The following SAV1 variants were observed in gnomAD, a reference collection of about 807,000 sequenced individuals.
SAV1 encodes protein salvador homolog 1.
SAV1 carries 23 observed loss-of-function variants against 47.3 expected under a neutral mutation model. That is an observed-to-expected ratio of 0.49 (90% CI 0.35 to 0.69). SAV1 has a LOEUF of 0.69. Among genes scored for constraint, SAV1 ranks in the 30% least tolerant of loss-of-function variants. SAV1 has a pLI of 0.01. For synonymous variants in SAV1, 155 were observed against 159.2 expected (o/e 0.97, Z 0.20); for missense variants, 448 against 457.4 (o/e 0.98, Z 0.19).
At chr14:50,658,420 G>A (rs372722819) in intron 2 of SAV1, among the ~76,000 whole-genome samples, 19 of 152,270 alleles carry the variant, frequency 1.2e-4, no homozygotes, top group Admixed American at 9.8e-4. Context: ...CAGTAAGTGC[G>A]TGACTGGTAT....
intron 2 of SAV1, among the ~76,000 whole-genome samples, chr14:50,658,960 GTAC>G (rs2039835619): frequency 6.6e-6 from 1 of 151,896 alleles, no homozygotes; most frequent in Non-Finnish European, 1.5e-5. Context: ...TTCAAAAAAA[GTAC>G]TACTTTTTTC....
chr14:50,653,556 T>G (rs1046365051), intron 2 of SAV1, among the ~76,000 whole-genome samples: 3 of 152,162 alleles, frequency 2.0e-5, no homozygotes, highest in Admixed American at 6.6e-5. Flanking sequence ...GTGAATTTGT[T>G]TGTTTCCCAG....
At chr14:50,640,581 ATT>A in intron 4 of SAV1, among the ~76,000 whole-genome samples, 167 bp downstream of exon 4, 1 of 152,198 alleles carries the variant, frequency 6.6e-6, no homozygotes. Context: ...CTAATTAATG[ATT>A]TTCACACATT....
intron 2 of SAV1, chr14:50,664,260 T>C (rs1309122361): frequency 6.6e-6 from 1 of 152,048 alleles, no homozygotes. Flanking sequence ...AAACAGTTAA[T>C]ATTAAATGAA....
At chr14:50,650,748 G>A (rs1363047207) in intron 2 of SAV1, among the ~76,000 whole-genome samples, 3 of 152,184 alleles carry the variant, frequency 2.0e-5, no homozygotes, top group African/African-American at 7.2e-5. Flanking sequence ...TTGGCCGGGC[G>A]CAGTGGCTCA....
At chr14:50,638,274 A>G (rs2039652834) in intron 4 of SAV1, among the ~76,000 whole-genome samples, 1 of 152,180 alleles carries the variant, frequency 6.6e-6, no homozygotes, top group African/African-American at 2.4e-5. Context: ...TTGCTTCCAC[A>G]AGTTTAACTT....
At chr14:50,652,395 G>A (rs559487621) in intron 2 of SAV1, among the ~76,000 whole-genome samples, 1 of 152,274 alleles carries the variant, frequency 6.6e-6, no homozygotes, top group South Asian at 2.1e-4. Context: ...CCACCAAATA[G>A]CAATGAGTAC....
Position 50,635,381 on chromosome 14 carries a change from A to AT in SAV1, c.953dup (p.Tyr318Ter). 6.2e-7 allele frequency: 1 copy of AT among 1,613,492 alleles called. No homozygotes were observed. The highest frequency in any genetic ancestry group is 1.1e-5 in the South Asian group (1 of 91,068). The change falls in exon 5 of 5, where the codon TAT (tyrosine) becomes TAAT (stop). Residue 318 changes from tyrosine to a stop codon, truncating the protein, a stop_gained and frameshift_variant. Coordinates refer to ENST00000324679, the MANE Select transcript of SAV1 (RefSeq NM_021818.4). LOFTEE classifies it high-confidence loss of function. ...AGAGTTCCCACTTCAGAATGTGGTC[A>AT]TATCTGTTTTAAAACACAATCATAT... ...LQVYARAPVK[Y>*]DHILKWELFQ... is the part of the protein sequence containing the mutation.
At chr14:50,648,532 C>A (rs2039740993) in intron 2 of SAV1, among the ~76,000 whole-genome samples, 1 of 152,158 alleles carries the variant, frequency 6.6e-6, no homozygotes, top group Non-Finnish European at 1.5e-5. Context: ...GTAATCCCAG[C>A]ACTTTGGGAG....
At chr14:50,665,665 C>T in intron 1 of SAV1, 46 bp from the exon 2 acceptor site, 8 of 1,484,976 alleles carry the variant, frequency 5.4e-6, no homozygotes, top group Non-Finnish European at 7.2e-6. Context: ...CATTAAGTAA[C>T]AAAAGTTTTC....
rs768914175 is a variant in SAV1 at position 50,665,270 on chromosome 14, A to G, written c.444T>C (p.Leu148=). ...TGTAGTCTTCATGTGCACGATCTCC[A>G]AGTGGCCGCTTTCTCTGACCATCAA... ...NFFDGQRKRP[L]GDRAHEDYRY... is the part of the protein sequence containing the mutation. The change falls in exon 2 of 5, where the codon CTT becomes CTC. Residue 148 remains leucine (L), a synonymous_variant. Transcript: ENST00000324679. The G allele has an allele frequency of 6.2e-7, 1 of 1,613,770 alleles. No individual in the cohort carries two copies. Among genetic ancestry groups the G allele is most frequent in the Non-Finnish European group, 8.5e-7 (1 of 1,179,822 alleles).
chr14:50,643,274 A>G (rs1054397110), intron 3 of SAV1, among the ~76,000 whole-genome samples: 1 of 152,222 alleles, frequency 6.6e-6, no homozygotes, highest in Non-Finnish European at 1.5e-5. Flanking sequence ...ACAATGTTAT[A>G]AAGAATTACC....
chr14:50,648,944 T>C (rs2039745043), intron 2 of SAV1, among the ~76,000 whole-genome samples: 1 of 152,184 alleles, frequency 6.6e-6, no homozygotes, highest in African/African-American at 2.4e-5. Context: ...GTCTCATTAC[T>C]TGATGAAAGT....
intron 2 of SAV1, among the ~76,000 whole-genome samples, chr14:50,645,970 T>C (rs1463748074): frequency 6.6e-6 from 1 of 152,150 alleles, no homozygotes; most frequent in African/African-American, 2.4e-5. Context: ...TACAAAACAC[T>C]GATGAAAGAA....
At position 50,634,182 on chromosome 14, in the gene SAV1, TAAGG is replaced by T. The variant is rs1566738144; in HGVS notation, c.*997_*1000del. 1 of 455,158 alleles carries T rather than the reference TAAGG, an allele frequency of 2.2e-6. No homozygotes were observed. The allele number at this position is 455,158 out of a possible 1,614,324, so 28.2% of individuals were successfully genotyped here. ...ATGCAGTAACAGCACTGGCTGAAAA[TAAGG>T]AAGATGATGTTAGCAACTTTGAGTT... On this transcript the variant is annotated 3_prime_UTR_variant, in exon 5 of 5. Transcript: ENST00000324679.
intron 4 of SAV1, 126 bp downstream of exon 4, chr14:50,640,624 G>C: frequency 1.5e-6 from 1 of 656,138 alleles, no homozygotes; most frequent in Non-Finnish European, 2.4e-6. Flanking sequence ...TTCAAGTCAC[G>C]TATTACTTAG....
intron 2 of SAV1, among the ~76,000 whole-genome samples, chr14:50,657,479 A>G (rs2039822852): frequency 6.6e-6 from 1 of 152,202 alleles, no homozygotes; most frequent in Admixed American, 6.5e-5. Context: ...TGGTCACACA[A>G]CAAGTGGTAT....
intron 2 of SAV1, among the ~76,000 whole-genome samples, chr14:50,662,167 T>G (rs1481508652): frequency 6.7e-6 from 1 of 149,236 alleles, no homozygotes; most frequent in Non-Finnish European, 1.5e-5. Flanking sequence ...TTGTTATTTA[T>G]TTATTTATTT....
At chr14:50,660,078 A>T (rs1162080371) in intron 2 of SAV1, among the ~76,000 whole-genome samples, 1 of 152,208 alleles carries the variant, frequency 6.6e-6, no homozygotes. Context: ...AAAACCTAAG[A>T]CTGGTCTTCG....
Sources: allele counts gnomAD v4.1 joint callset (sites outside exome capture counted in the v4.1 genomes callset), GRCh38; gene constraint gnomAD v4.1.1; transcripts MANE v1.5; gene names NCBI Gene and HGNC (gene_info 2026-07-23, HGNC 2026-07-21).